Variants in ANKRD36C observed in about 807,000 individuals in gnomAD.
ANKRD36C encodes the protein ankyrin repeat domain-containing protein 36C.
Under a neutral mutation model 276.4 loss-of-function variants are expected in ANKRD36C, and 61 were observed. The observed-to-expected ratio is 0.22, with a 90% CI of 0.18 to 0.27. The LOEUF (loss-of-function observed/expected upper bound fraction) is 0.27, where lower values mean the gene tolerates loss of function less well. Among genes scored for constraint, ANKRD36C ranks in the 10% least tolerant of loss-of-function variants. ANKRD36C has a pLI of 1.00. For synonymous variants in ANKRD36C, 483 were observed against 680.1 expected (o/e 0.71, Z 4.51); for missense variants, 1,447 against 2,032.3 (o/e 0.71, Z 5.54).
chr2:95,886,233 T>C, exon 51 of ANKRD36C: 1 of 1,189,144 alleles, frequency 8.4e-7, no homozygotes, highest in Non-Finnish European at 1.2e-6. Flanking sequence ...GCCAGTTGTT[T>C]CTGAGAAGAC....
rs993445669 is a variant in ANKRD36C at position 95,897,347 on chromosome 2, A to T, written c.2755+1798T>A. 2 of 1,554,882 alleles carry T rather than the reference A, an allele frequency of 1.3e-6. No individual in the cohort carries two copies. Among genetic ancestry groups the T allele is most frequent in the Non-Finnish European group, 1.7e-6 (2 of 1,145,558 alleles). On this transcript the variant is annotated intron_variant, in intron 44 of 66. Transcript: ENST00000456556. ...ATCTTTCTCATCTCTTGTAGCCTGA[A>T]TGGAATTTGAAATGAAATAATAAAT...
rs577404365 is a variant in ANKRD36C at position 95,854,711 on chromosome 2, A to T, written c.4995+555T>A. Among the ~76,000 whole-genome samples the T allele has an allele frequency of 8.9e-4, 135 of 152,356 alleles. 1 individual carries two copies. Among genetic ancestry groups the T allele is most frequent in the African/African-American group, 3.2e-3 (131 of 41,578 alleles). Reference sequence around the variant, plus strand: ...GATGCCTTGAAAGAATAGAATGATCATATCTATACATAATTTGAGATTGAA... The same window carrying T: ...GATGCCTTGAAAGAATAGAATGATCTTATCTATACATAATTTGAGATTGAA... On this transcript the variant is annotated intron_variant, in intron 63 of 66. Coordinates refer to ENST00000456556, the Ensembl canonical transcript of ANKRD36C.
At chr2:95,869,947 G>C (rs531116386) in intron 59 of ANKRD36C, among the ~76,000 whole-genome samples, 16 of 152,392 alleles carry the variant, frequency 1.0e-4, no homozygotes, top group Non-Finnish European at 1.8e-4. Context: ...CAAGGTGGCA[G>C]TGAGGCTGGG....
intron 3 of ANKRD36C, chr2:95,986,504 C>A (rs1197012315): frequency 2.2e-6 from 1 of 459,662 alleles, no homozygotes; most frequent in Non-Finnish European, 3.7e-6. Context: ...GTCATGAATT[C>A]CAAATTTATT....
At chr2:95,970,307 G>A (rs918488212) in intron 6 of ANKRD36C, among the ~76,000 whole-genome samples, 16 of 152,028 alleles carry the variant, frequency 1.1e-4, no homozygotes, top group Admixed American at 3.3e-4. Flanking sequence ...CCTATGTAGG[G>A]CACAAACAAT....
At chr2:95,849,035 GA>G (rs1346055728), downstream of ANKRD36C, among the ~76,000 whole-genome samples, 14 of 152,006 alleles carry the variant, frequency 9.2e-5, no homozygotes, top group Non-Finnish European at 1.5e-5. Context: ...TTGTCTTTTA[GA>G]TTTTTTTTGT....
At chr2:95,961,303 T>C (rs1379665443) in intron 8 of ANKRD36C, among the ~76,000 whole-genome samples, 1 of 152,038 alleles carries the variant, frequency 6.6e-6, no homozygotes, top group Admixed American at 6.6e-5. Context: ...AGTTTAGCCT[T>C]CAGAAAGTTT....
At chr2:95,932,341 G>A (rs367853127) in intron 24 of ANKRD36C, among the ~76,000 whole-genome samples, 2 of 151,864 alleles carry the variant, frequency 1.3e-5, no homozygotes, top group Non-Finnish European at 3.0e-5. Flanking sequence ...GTCATCACAT[G>A]GCATATCATG....
chr2:95,892,652 C>T (rs62153679), intron 44 of ANKRD36C, among the ~76,000 whole-genome samples: 54,606 of 151,278 alleles, frequency 0.36, 10,554 homozygotes, highest in East Asian at 0.66. Context: ...GCAATATTCA[C>T]TATAAATGAC....
chr2:95,849,314 C>A (rs1231390622), downstream of ANKRD36C, among the ~76,000 whole-genome samples: 1 of 152,324 alleles, frequency 6.6e-6, no homozygotes, highest in East Asian at 1.9e-4. Context: ...CCTGCACTGG[C>A]CTCCCAAAGT....
intron 60 of ANKRD36C, among the ~76,000 whole-genome samples, chr2:95,860,648 C>A (rs1675553065): frequency 6.6e-6 from 1 of 152,178 alleles, no homozygotes; most frequent in African/African-American, 2.4e-5. Context: ...TAGGTGATCA[C>A]TGAAAGACAG....
At chr2:95,911,784 C>A (rs1013016678) in intron 42 of ANKRD36C, among the ~76,000 whole-genome samples, 1 of 151,464 alleles carries the variant, frequency 6.6e-6, no homozygotes, top group African/African-American at 2.4e-5. Flanking sequence ...TCCTGCCTCA[C>A]AATCCGTCTT....
chr2:95,963,176 C>G (rs1255911250), intron 6 of ANKRD36C, among the ~76,000 whole-genome samples: 1 of 152,016 alleles, frequency 6.6e-6, no homozygotes, highest in Non-Finnish European at 1.5e-5. Context: ...TTCTCTAGTT[C>G]AGCCTTCTGA....
exon 40 of ANKRD36C, chr2:95,914,168 C>G (rs765495048): frequency 6.9e-6 from 11 of 1,584,436 alleles, no homozygotes; most frequent in Admixed American, 1.8e-5. Context: ...GAATCTTCCT[C>G]GTCACTTGTA....
At chr2:95,958,518 T>G in intron 12 of ANKRD36C, 73 bp downstream of exon 12, 1 of 1,523,002 alleles carries the variant, frequency 6.6e-7, no homozygotes, top group South Asian at 1.2e-5. Flanking sequence ...AGCCCCCTGC[T>G]GATTTATTCG....
chr2:95,888,156 TA>T (rs1288680293), intron 48 of ANKRD36C, 36 bp from the exon 69 acceptor site: 1 of 1,606,874 alleles, frequency 6.2e-7, no homozygotes, highest in Non-Finnish European at 8.5e-7. Flanking sequence ...CACTCATATG[TA>T]AATATGATAA....
chr2:95,962,991 G>A (rs200590795), intron 6 of ANKRD36C, among the ~76,000 whole-genome samples: 1,224 of 100,514 alleles, frequency 0.012, no homozygotes, highest in East Asian at 0.038. Flanking sequence ...TAACTTGCCT[G>A]ATAACTGAGA....
intron 42 of ANKRD36C, among the ~76,000 whole-genome samples, chr2:95,910,783 C>T (rs754577720): frequency 1.1e-4 from 17 of 151,288 alleles, no homozygotes; most frequent in Non-Finnish European, 1.6e-4. Context: ...ATTTCAAACA[C>T]GGTACGATTT....
intron 1 of ANKRD36C, among the ~76,000 whole-genome samples, chr2:95,989,864 C>T (rs1176245038): frequency 6.6e-6 from 1 of 152,066 alleles, no homozygotes; most frequent in Non-Finnish European, 1.5e-5. Flanking sequence ...CCCAGGAACA[C>T]TAAATATTTT....
Sources: allele counts gnomAD v4.1 joint callset (sites outside exome capture counted in the v4.1 genomes callset), GRCh38; gene constraint gnomAD v4.1.1; transcripts MANE v1.5; gene names NCBI Gene and HGNC (gene_info 2026-07-23, HGNC 2026-07-21).